The following CDYL variants were observed in gnomAD, a reference collection of about 807,000 sequenced individuals.
CDYL encodes chromodomain Y-like protein.
A neutral mutation model predicts 47.3 loss-of-function variants in CDYL; 8 were observed. The observed-to-expected ratio is 0.17, with a 90% CI of 0.10 to 0.31. The LOEUF (loss-of-function observed/expected upper bound fraction) is 0.31. Among genes scored for constraint, CDYL ranks in the 10% least tolerant of loss-of-function variants. The pLI is 1.00. For synonymous variants in CDYL, 266 were observed against 265.0 expected (o/e 1.00, Z -0.04); for missense variants, 471 against 701.4 (o/e 0.67, Z 3.71).
chr6:4,836,855 TGCGC>T (rs960183144), intron 1 of CDYL, among the ~76,000 whole-genome samples: 1 of 152,164 alleles, frequency 6.6e-6, no homozygotes, highest in Non-Finnish European at 1.5e-5. Context: ...TTGTAGACCT[TGCGC>T]CTGGTTACAG....
chr6:4,938,118 C>G (rs1422397140), intron 4 of CDYL, among the ~76,000 whole-genome samples: 1 of 152,222 alleles, frequency 6.6e-6, no homozygotes, highest in Non-Finnish European at 1.5e-5. Flanking sequence ...AGATAAAGAT[C>G]TCTTCCAAAT....
Position 4,836,224 on chromosome 6 carries a change from C to G in CDYL, c.25-55489C>G, listed in dbSNP as rs561483862. 9.2e-6 allele frequency: 9 copies of G among 982,326 alleles called. No homozygotes were observed. In the South Asian group the frequency reaches 4.2e-4, roughly 46 times the overall value. The allele number at this position is 982,326 out of a possible 1,614,324, so 60.9% of individuals were successfully genotyped here. ...CTGTTCCTATTCGGCCATCTTGGCT[C>G]CTCCCCAAGGCTTAGGTTTCTAAGT... is the stretch of plus-strand genomic sequence containing the variant. On this transcript the variant is annotated intron_variant, in intron 1 of 6. Transcript: ENST00000397588.
chr6:4,822,366 C>T (rs1759864793), intron 1 of CDYL, among the ~76,000 whole-genome samples: 1 of 151,938 alleles, frequency 6.6e-6, no homozygotes, highest in South Asian at 2.1e-4. Context: ...GAGTATCATT[C>T]AGCTTAAATA....
intron 2 of CDYL, among the ~76,000 whole-genome samples, chr6:4,732,682 G>GA (rs1757628305): frequency 7.1e-6 from 1 of 140,938 alleles, no homozygotes; most frequent in Non-Finnish European, 1.5e-5. Flanking sequence ...AAGAGGGGGG[G>GA]ATTGGGGGGG....
At chr6:4,764,501 G>C (rs1758223269) in intron 3 of CDYL, among the ~76,000 whole-genome samples, 2 of 152,210 alleles carry the variant, frequency 1.3e-5, no homozygotes, top group South Asian at 4.2e-4. Flanking sequence ...TGGTGGTCAG[G>C]CTGGTCTCAA....
rs1435178693 is a variant in CDYL, at chr6:4,955,339, C to A, written c.*1283C>A. On this transcript the variant is annotated 3_prime_UTR_variant, in exon 7 of 7. Transcript: ENST00000397588. ...TTTTGAAGTTTATACTTAGAACTGA[C>A]CACCTCCCCGGCCACGCGGAGAGCT... 1.3e-5 allele frequency: 2 copies of A among 152,616 alleles called. No individual in the cohort carries two copies. Among genetic ancestry groups the A allele is most frequent in the African/African-American group, 4.8e-5 (2 of 41,444 alleles). The allele number at this position is 152,616 out of a possible 1,614,324, so 9.5% of individuals were successfully genotyped here.
chr6:4,879,939 C>T (rs970436740), intron 1 of CDYL, among the ~76,000 whole-genome samples: 4 of 152,090 alleles, frequency 2.6e-5, no homozygotes, highest in Admixed American at 2.6e-4. Context: ...AGAGATTTCC[C>T]TATACCCTCT....
At chr6:4,890,263 C>G (rs1023912140) in intron 1 of CDYL, 20 of 619,974 alleles carry the variant, frequency 3.2e-5, no homozygotes, top group South Asian at 7.0e-5. Context: ...AGAAATATGT[C>G]TTTTACTTAA....
chr6:4,952,768 T>G (rs1037617387), intron 6 of CDYL, among the ~76,000 whole-genome samples: 3 of 152,126 alleles, frequency 2.0e-5, no homozygotes, highest in Non-Finnish European at 2.9e-5. Context: ...AAGTTGTTTT[T>G]GGGTTGTTGT....
intron 1 of CDYL, among the ~76,000 whole-genome samples, chr6:4,886,978 TG>T (rs1761916390): frequency 6.6e-6 from 1 of 152,228 alleles, no homozygotes; most frequent in Non-Finnish European, 1.5e-5. Context: ...GGAATGGTAG[TG>T]ACAGTGTTGT....
chr6:4,943,411 A>G (rs1561722670), intron 4 of CDYL, 135 bp from the exon 5 acceptor site: 4 of 648,250 alleles, frequency 6.2e-6, no homozygotes, highest in Non-Finnish European at 1.1e-5. Flanking sequence ...ACTGCTGGGG[A>G]AGGCCTTAAA....
At chr6:4,816,287 T>C (rs558072689) in intron 1 of CDYL, among the ~76,000 whole-genome samples, 51 of 152,024 alleles carry the variant, frequency 3.4e-4, no homozygotes, top group African/African-American at 1.2e-3. Flanking sequence ...TTGATTATTT[T>C]TGTGTATGTA....
chr6:4,739,554 T>G (rs1582299260), intron 3 of CDYL, among the ~76,000 whole-genome samples: 1 of 143,664 alleles, frequency 7.0e-6, no homozygotes, highest in African/African-American at 2.6e-5. Context: ...AAAAAAAAAA[T>G]GCCACGGATA....
At chr6:4,798,993 G>A (rs1220800578) in intron 1 of CDYL, among the ~76,000 whole-genome samples, 2 of 151,998 alleles carry the variant, frequency 1.3e-5, no homozygotes, top group Non-Finnish European at 2.9e-5. Flanking sequence ...AGTTTAATTT[G>A]CTTTTTCTGT....
At chr6:4,816,531 C>G (rs1759682092) in intron 1 of CDYL, among the ~76,000 whole-genome samples, 1 of 141,108 alleles carries the variant, frequency 7.1e-6, no homozygotes, top group Non-Finnish European at 1.5e-5. Context: ...GAGTCTCACT[C>G]TGTCACCAAG....
chr6:4,881,322 C>G (rs1424556981), intron 1 of CDYL, among the ~76,000 whole-genome samples: 1 of 151,728 alleles, frequency 6.6e-6, no homozygotes, highest in African/African-American at 2.4e-5. Flanking sequence ...TTTAGTTATA[C>G]TTGTTGATAT....
At chr6:4,936,823 T>C (rs1296502850) in intron 3 of CDYL, among the ~76,000 whole-genome samples, 2 of 151,368 alleles carry the variant, frequency 1.3e-5, no homozygotes, top group Admixed American at 1.3e-4. Flanking sequence ...TTGCCTTATC[T>C]AAGAGCCGCA....
chr6:4,890,597 G>T (rs1484374645), intron 1 of CDYL, among the ~76,000 whole-genome samples: 1 of 152,164 alleles, frequency 6.6e-6, no homozygotes, highest in Non-Finnish European at 1.5e-5. Flanking sequence ...AAAATGATGG[G>T]GATGGGGTAT....
chr6:4,868,054 T>C (rs914893776), intron 1 of CDYL, among the ~76,000 whole-genome samples: 5 of 151,940 alleles, frequency 3.3e-5, no homozygotes, highest in African/African-American at 7.2e-5. Context: ...GTTGAACCTT[T>C]CACATAACTT....
Sources: gnomAD v4.1 joint callset for allele counts (sites outside exome capture counted in the v4.1 genomes callset) on GRCh38, gnomAD v4.1.1 for gene constraint, MANE v1.5 for transcripts, NCBI Gene and HGNC (gene_info 2026-07-23, HGNC 2026-07-21) for gene names.